The following ACTR3C variants were observed in gnomAD, a reference collection of about 807,000 sequenced individuals.
ACTR3C encodes actin related protein 3C.
In ACTR3C, 18 loss-of-function variants were observed where a neutral mutation model predicts 26.3. The observed-to-expected ratio is 0.68, with a 90% CI of 0.47 to 1.01. ACTR3C has a LOEUF of 1.01. Among genes scored for constraint, ACTR3C ranks in the 50% least tolerant of loss-of-function variants. ACTR3C has a pLI of 0.00. For missense variants in ACTR3C, 184 were observed against 250.7 expected (o/e 0.73, Z 1.80); for synonymous variants, 55 against 94.5 (o/e 0.58, Z 2.42).
At chr7:149,893,101 G>A in the ACTR3C span, among the ~76,000 whole-genome samples, 1 of 152,084 alleles carries the variant, frequency 6.6e-6, no homozygotes, top group Non-Finnish European at 1.5e-5. Flanking sequence ...ATGAAATGTG[G>A]AGGGCATCAC....
chr7:149,918,181 T>C, the ACTR3C span, among the ~76,000 whole-genome samples: 8 of 152,130 alleles, frequency 5.3e-5, no homozygotes, highest in African/African-American at 1.9e-4. Flanking sequence ...TTTTTTTCTC[T>C]ATGTTACTTC....
chr7:150,039,550 A>G, the ACTR3C span, among the ~76,000 whole-genome samples: 15 of 75,358 alleles, frequency 2.0e-4, no homozygotes, highest in South Asian at 4.2e-4. Flanking sequence ...CCCCAGAGCC[A>G]GGGGGGGAAG....
intron 6 of ACTR3C, among the ~76,000 whole-genome samples, chr7:150,275,476 CG>C (rs1834798096): frequency 6.6e-6 from 1 of 152,150 alleles, no homozygotes; most frequent in Non-Finnish European, 1.5e-5. Flanking sequence ...TTCGGGAGGC[CG>C]AGGCAGGCAG....
chr7:150,254,572 C>A (rs1367369549), intron 6 of ACTR3C, among the ~76,000 whole-genome samples: 2 of 152,298 alleles, frequency 1.3e-5, no homozygotes, highest in African/African-American at 4.8e-5. Flanking sequence ...GACCATGAGA[C>A]ACCAGACTCA....
the ACTR3C span, among the ~76,000 whole-genome samples, chr7:149,933,854 A>G: frequency 0.016 from 2,367 of 152,144 alleles, 71 homozygotes; most frequent in African/African-American, 0.054. Flanking sequence ...GTTCCATTCA[A>G]CACTAGTCAG....
At chr7:149,944,428 G>A in the ACTR3C span, among the ~76,000 whole-genome samples, 6 of 151,950 alleles carry the variant, frequency 3.9e-5, no homozygotes, top group South Asian at 2.1e-4. Flanking sequence ...GCATTGCAGC[G>A]GGCATAAAAC....
chr7:150,057,679 T>C, the ACTR3C span, among the ~76,000 whole-genome samples: 1 of 152,248 alleles, frequency 6.6e-6, no homozygotes. Flanking sequence ...TAGCTCCTGA[T>C]TTCCTGGGAA....
chr7:150,086,911 T>C, the ACTR3C span, among the ~76,000 whole-genome samples: 1 of 152,116 alleles, frequency 6.6e-6, no homozygotes, highest in Admixed American at 6.5e-5. Context: ...GCAAGTTCCA[T>C]GCCAATCAAG....
chr7:150,211,332 G>A, the ACTR3C span, among the ~76,000 whole-genome samples: 1 of 149,446 alleles, frequency 6.7e-6, no homozygotes, highest in African/African-American at 2.6e-5. Context: ...ACCCAGGCTG[G>A]AGTGCAGTGG....
the ACTR3C span, among the ~76,000 whole-genome samples, chr7:150,019,592 A>C: frequency 1.1e-5 from 1 of 91,930 alleles, no homozygotes; most frequent in South Asian, 4.3e-4. Context: ...CTCTGTCTCA[A>C]AAATAAAAAT....
At chr7:150,220,839 C>T in the ACTR3C span, among the ~76,000 whole-genome samples, 1 of 152,306 alleles carries the variant, frequency 6.6e-6, no homozygotes, top group African/African-American at 2.4e-5. Flanking sequence ...CCCCCCTCAC[C>T]CTCAAAAGCT....
chr7:150,026,037 A>T, the ACTR3C span, among the ~76,000 whole-genome samples: 1 of 152,136 alleles, frequency 6.6e-6, no homozygotes, highest in Non-Finnish European at 1.5e-5. Flanking sequence ...GAGAATAATG[A>T]AACCTCCCAC....
the ACTR3C span, among the ~76,000 whole-genome samples, chr7:150,165,266 T>G: frequency 1.4e-4 from 21 of 152,220 alleles, no homozygotes; most frequent in African/African-American, 4.8e-4. Flanking sequence ...GTTTGAGACA[T>G]GAGGAGATCA....
chr7:150,123,156 C>G, the ACTR3C span, among the ~76,000 whole-genome samples: 2 of 151,706 alleles, frequency 1.3e-5, no homozygotes, highest in African/African-American at 4.9e-5. Flanking sequence ...ATGGGTGAAG[C>G]AAACCACCAT....
chr7:149,891,555 G>A, the ACTR3C span: 1 of 221,886 alleles, frequency 4.5e-6, no homozygotes, highest in Non-Finnish European at 9.0e-6. Context: ...GCCAGGCACA[G>A]TGGCTCACGC....
chr7:150,246,692 G>A (rs2533358), downstream of ACTR3C: 1 of 152,194 alleles, frequency 6.6e-6, no homozygotes, highest in African/African-American at 2.4e-5. Flanking sequence ...TTGCAATAAA[G>A]TTAATGTTCC....
the ACTR3C span, among the ~76,000 whole-genome samples, chr7:150,200,393 AT>A: frequency 6.6e-6 from 1 of 152,126 alleles, no homozygotes; most frequent in East Asian, 1.9e-4. Flanking sequence ...CAATGCATAT[AT>A]CTGACAAAGA....
chr7:149,890,458 C>T, the ACTR3C span, among the ~76,000 whole-genome samples: 2 of 148,672 alleles, frequency 1.3e-5, no homozygotes, highest in Admixed American at 6.7e-5. Flanking sequence ...TTTTATTTTA[C>T]AGTAACATTT....
chr7:150,004,951 C>G, the ACTR3C span: 1 of 152,314 alleles, frequency 6.6e-6, no homozygotes, highest in South Asian at 2.1e-4. Context: ...CAGTGGTCCA[C>G]AGTGTGCCAG....
Sources: allele counts gnomAD v4.1 joint callset (sites outside exome capture counted in the v4.1 genomes callset), GRCh38; gene constraint gnomAD v4.1.1; transcripts MANE v1.5; gene names NCBI Gene and HGNC (gene_info 2026-07-23, HGNC 2026-07-21).